KAZN: variants seen among roughly 807,000 people sequenced by gnomAD.
KAZN encodes the protein kazrin.
KAZN carries 40 observed loss-of-function variants against 87.4 expected under a neutral mutation model. The ratio of observed to expected loss-of-function variants is 0.46; its 90% CI spans 0.36 to 0.60. KAZN has a LOEUF of 0.60. Among genes scored for constraint, KAZN ranks in the 20% least tolerant of loss-of-function variants. The pLI is 0.00. For synonymous variants in KAZN, 466 were observed against 458.3 expected, an observed-to-expected ratio of 1.02 and a Z score of -0.22; for missense variants, 898 against 1,073.9, an observed-to-expected ratio of 0.84 and a Z score of 2.29.
intron 6 of KAZN, 164 bp from the exon 7 acceptor site, chr1:15,063,408 G>A (rs1395041752): frequency 3.1e-6 from 2 of 653,426 alleles, no homozygotes; most frequent in South Asian, 3.4e-5. Context: ...CCATCTGGGG[G>A]TATCTGCTTC....
chr1:13,910,289 A>G (rs1236062167), intron 1 of KAZN, among the ~76,000 whole-genome samples: 2 of 151,992 alleles, frequency 1.3e-5, no homozygotes, highest in Non-Finnish European at 2.9e-5. Flanking sequence ...TGAGTGGATC[A>G]CGAGGTCAGG....
chr1:14,682,313 G>A (rs562955232), intron 1 of KAZN, among the ~76,000 whole-genome samples: 2 of 149,860 alleles, frequency 1.3e-5, no homozygotes, highest in East Asian at 4.0e-4. Context: ...TTTAAGACAG[G>A]GTCTTGCTCG....
intron 2 of KAZN, among the ~76,000 whole-genome samples, chr1:14,435,646 G>A (rs953467313): frequency 3.3e-5 from 5 of 152,188 alleles, no homozygotes; most frequent in African/African-American, 7.2e-5. Flanking sequence ...TTCTGGGAGC[G>A]TGCAGCTGAA....
chr1:14,095,071 T>C (rs1352660285), intron 1 of KAZN, among the ~76,000 whole-genome samples: 1 of 152,220 alleles, frequency 6.6e-6, no homozygotes, highest in East Asian at 1.9e-4. Flanking sequence ...GACAATTCTA[T>C]GCTGGGCAAC....
chr1:15,008,482 G>A (rs1415297853), intron 2 of KAZN, among the ~76,000 whole-genome samples: 1 of 152,226 alleles, frequency 6.6e-6, no homozygotes. Flanking sequence ...AGGTGAGTGA[G>A]ACAGCTATGA....
At chr1:14,801,777 G>A (rs1646035827) in intron 1 of KAZN, among the ~76,000 whole-genome samples, 1 of 150,770 alleles carries the variant, frequency 6.6e-6, no homozygotes, top group African/African-American at 2.4e-5. Context: ...TCTGCCTCCC[G>A]GGTTCATGCC....
chr1:14,773,757 G>A lies in KAZN; in HGVS notation c.226+174534G>A, dbSNP rs750713523. Among the ~76,000 whole-genome samples the A allele has an allele frequency of 6.6e-6, 1 of 152,060 alleles. No individual in the cohort carries two copies. Among genetic ancestry groups the A allele is most frequent in the Non-Finnish European group, 1.5e-5 (1 of 68,002 alleles). ...AGGCCTCTGTGGCCTGGGCTTCCGG[G>A]GCTGCCATCTCTAATGAACTCAGCC... On this transcript the variant is annotated intron_variant, in intron 1 of 14. Transcript: ENST00000376030. The surrounding 1 kb of genome is among the most constrained non-coding windows in gnomAD (Gnocchi z 5.9).
intron 2 of KAZN, among the ~76,000 whole-genome samples, chr1:14,491,217 G>C (rs1399080766): frequency 1.3e-5 from 2 of 152,142 alleles, no homozygotes; most frequent in African/African-American, 4.8e-5. Flanking sequence ...GCTGTTATAA[G>C]CAAAGCTATT....
chr1:14,929,924 G>A, intron 1 of KAZN: 20 of 985,434 alleles, frequency 2.0e-5, no homozygotes, highest in Non-Finnish European at 2.2e-5. Context: ...CTTCAAGAGA[G>A]GCCAGTTAGA....
chr1:15,032,180 CTTT>C (rs376242671), intron 2 of KAZN, among the ~76,000 whole-genome samples: 1 of 82,700 alleles, frequency 1.2e-5, no homozygotes, highest in Non-Finnish European at 2.3e-5. Flanking sequence ...GTGGACATTT[CTTT>C]TTTTTTTTTT....
chr1:14,851,290 T>G (rs1014351232), intron 1 of KAZN, among the ~76,000 whole-genome samples: 2 of 152,196 alleles, frequency 1.3e-5, no homozygotes, highest in African/African-American at 2.4e-5. Context: ...AGACGCCGGC[T>G]GATGGGATAA....
At chr1:14,255,378 T>C (rs1201233684) in intron 2 of KAZN, among the ~76,000 whole-genome samples, 2 of 152,164 alleles carry the variant, frequency 1.3e-5, no homozygotes, top group African/African-American at 4.8e-5. Context: ...CAGGGACATA[T>C]ATTCAAACTA....
chr1:14,682,816 C>T (rs1282905505), intron 1 of KAZN, among the ~76,000 whole-genome samples: 1 of 152,114 alleles, frequency 6.6e-6, no homozygotes, highest in Non-Finnish European at 1.5e-5. Flanking sequence ...CAAACAAGTC[C>T]ACACAAGGTA....
At chr1:15,087,093 G>A (rs553741270) in intron 8 of KAZN, among the ~76,000 whole-genome samples, 28 of 152,322 alleles carry the variant, frequency 1.8e-4, no homozygotes, top group African/African-American at 6.0e-4. Context: ...CCAAACCAAC[G>A]GAGGGTGGCG....
intron 10 of KAZN, among the ~76,000 whole-genome samples, chr1:15,100,670 G>T (rs1641020110): frequency 6.6e-6 from 1 of 152,202 alleles, no homozygotes. Context: ...TGGGGCACAA[G>T]GAAATCTGAG....
At chr1:15,010,977 A>G (rs1318986536) in intron 2 of KAZN, among the ~76,000 whole-genome samples, 3 of 152,232 alleles carry the variant, frequency 2.0e-5, no homozygotes, top group Non-Finnish European at 4.4e-5. Context: ...TCATCAGGAA[A>G]TGGTTCAAGC....
intron 11 of KAZN, 93 bp from the exon 12 acceptor site, chr1:15,103,266 C>A (rs750595424): frequency 2.3e-6 from 2 of 883,438 alleles, no homozygotes; most frequent in Non-Finnish European, 3.6e-6. Context: ...GACTCTGTCT[C>A]GGGGGGAAAA....
At chr1:14,503,890 C>G (rs1670406272) in intron 2 of KAZN, among the ~76,000 whole-genome samples, 1 of 152,114 alleles carries the variant, frequency 6.6e-6, no homozygotes, top group South Asian at 2.1e-4. Context: ...CTGGTCTGAT[C>G]ACATCATGGT....
At chr1:14,532,479 AT>A (rs1672260319) in intron 2 of KAZN, among the ~76,000 whole-genome samples, 2 of 151,190 alleles carry the variant, frequency 1.3e-5, no homozygotes, top group South Asian at 2.1e-4. Context: ...TATTATTATT[AT>A]TATTATACTT....
Sources: allele counts gnomAD v4.1 joint callset (sites outside exome capture counted in the v4.1 genomes callset), GRCh38; gene constraint gnomAD v4.1.1; non-coding constraint Gnocchi (gnomAD v3.1); transcripts MANE v1.5; gene names NCBI Gene and HGNC (gene_info 2026-07-23, HGNC 2026-07-21).